TAF6: variants seen among roughly 807,000 people sequenced by gnomAD.
TAF6 encodes TATA-box binding protein associated factor 6.
A neutral mutation model predicts 73.5 loss-of-function variants in TAF6; 50 were observed. The observed-to-expected ratio is 0.68, with a 90% confidence interval of 0.54 to 0.86. The LOEUF (loss-of-function observed/expected upper bound fraction) is 0.86, where lower values mean the gene tolerates loss of function less well. Ranked by LOEUF, TAF6 falls within the 40% of genes least tolerant of loss-of-function variation. The pLI is 0.00. For synonymous variants in TAF6, 424 were observed against 376.7 expected, an observed-to-expected ratio of 1.13 and a Z score of -1.45; for missense variants, 768 against 899.5, an observed-to-expected ratio of 0.85 and a Z score of 1.87.
chr7:100,118,737 G>C (rs1743737063), intron 1 of TAF6: 1 of 340,438 alleles, frequency 2.9e-6, no homozygotes, highest in African/African-American at 2.2e-5. Flanking sequence ...CTGCTTAGGA[G>C]TAGTACAGGT....
upstream of TAF6, chr7:100,119,561 A>G (rs1486735289): frequency 1.4e-6 from 2 of 1,419,836 alleles, no homozygotes; most frequent in East Asian, 5.1e-5. Flanking sequence ...AAGAGGCGCC[A>G]CAAAACGGAG....
intron 5 of TAF6, 24 bp from the exon 6 acceptor site, chr7:100,112,941 G>A: frequency 6.3e-7 from 1 of 1,599,930 alleles, no homozygotes; most frequent in Non-Finnish European, 8.5e-7. Flanking sequence ...AGGCACAGCG[G>A]GAGGGGTGAT....
chr7:100,120,099 A>G, upstream of TAF6: 1 of 435,906 alleles, frequency 2.3e-6, no homozygotes, highest in East Asian at 4.3e-5. Context: ...CCGCCCGCCA[A>G]TGGATTGTGG....
chr7:100,118,706 A>T (rs2116869252), intron 1 of TAF6: 1 of 262,808 alleles, frequency 3.8e-6, no homozygotes, highest in South Asian at 1.4e-4. Flanking sequence ...GTTGGACATT[A>T]GGAAGATTAA....
At position 100,107,577 on chromosome 7, in the gene TAF6, G is replaced by A. The variant is rs774354631; in HGVS notation, c.1703C>T (p.Thr568Ile). Residue 568 changes from threonine (T) to isoleucine (I), a missense_variant, in exon 15 of 15, where the codon ACT (threonine) becomes ATT (isoleucine). Physicochemically the swap from Thr to Ile is moderately conservative, Grantham distance 89. Around this residue, in one of 5 missense-constraint regions of TAF6, gnomAD observed 350 missense variants for 352.3 expected, o/e 0.99. Transcript: ENST00000453269. The part of the protein sequence containing the change: ...TSAPGSGSTT[T>I]SPVTTTVPSV... ...GGGGACGGTGGTGGTGACGGGCGAAGTGGTGGTGGAACCTGAGCCGGGGGC... is the reference window on the plus strand; with the variant it reads ...GGGGACGGTGGTGGTGACGGGCGAAATGGTGGTGGAACCTGAGCCGGGGGC... The A allele has an allele frequency of 2.5e-5, 41 of 1,613,750 alleles. No individual in the cohort carries two copies. Among genetic ancestry groups the A allele is most frequent in the Non-Finnish European group, 3.1e-5 (36 of 1,179,944 alleles).
At position 100,108,059 on chromosome 7, in the gene TAF6, T is replaced by C. The variant is rs1045043402; in HGVS notation, c.1523A>G (p.Lys508Arg). 6.8e-6 allele frequency: 11 copies of C among 1,612,996 alleles called. No individual in the cohort carries two copies. The highest frequency in any genetic ancestry group is 7.6e-6 in the Non-Finnish European group (9 of 1,179,770). The stretch of plus-strand genomic sequence containing the variant: ...AGGAAGTGCGATGGAGCCAGGAACC[T>C]TCAGCAAGCCAGGGGTGCGAGGGCC... ...QPGPRTPGLL[K>R]VPGSIALPVQ... The change falls in exon 14 of 15, where the codon AAG (lysine) becomes AGG (arginine). Residue 508 changes from lysine (K) to arginine (R), a missense_variant. Physicochemically the swap from Lys to Arg is conservative, Grantham distance 26. Around this residue, in one of 5 missense-constraint regions of TAF6, gnomAD observed 350 missense variants for 352.3 expected, o/e 0.99. Coordinates refer to ENST00000453269, the MANE Select transcript of TAF6 (RefSeq NM_139315.3).
At chr7:100,122,817 C>T (rs1195287202), upstream of TAF6, 15 of 1,613,794 alleles carry the variant, frequency 9.3e-6, no homozygotes, top group Admixed American at 1.7e-5. Context: ...ACTGAAAGGC[C>T]TAGTGCAGAA....
upstream of TAF6, chr7:100,122,876 C>T: frequency 6.2e-7 from 1 of 1,613,584 alleles, no homozygotes; most frequent in Non-Finnish European, 8.5e-7. Context: ...GGGATGAGCC[C>T]AGCGTGGAGG....
chr7:100,108,211 C>T (rs567266925), intron 13 of TAF6, 88 bp from the exon 14 acceptor site: 2 of 1,468,710 alleles, frequency 1.4e-6, no homozygotes, highest in East Asian at 2.4e-5. Context: ...CTCGCTCTTC[C>T]TCAGTGGCTC....
At position 100,108,518 on chromosome 7, in the gene TAF6, G is replaced by C. The variant is rs1403302103; in HGVS notation, c.1307C>G (p.Ala436Gly). ...LLLKHCAPVL[A>G]KLRPPPDNQD... ...ATTGTCAGGCGGTGGGCGCAGCTTTGCCAGAACAGGAGCACAGTGTTTCTG... is the reference window on the plus strand; with the variant it reads ...ATTGTCAGGCGGTGGGCGCAGCTTTCCCAGAACAGGAGCACAGTGTTTCTG... Residue 436 changes from alanine (A) to glycine (G), a missense_variant, in exon 13 of 15, where the codon GCA becomes GGA. Ala to Gly is a moderately conservative substitution (Grantham distance 60). Transcript: ENST00000453269. 1 of 1,611,564 alleles carries C rather than the reference G, an allele frequency of 6.2e-7. No homozygotes were observed. The highest frequency in any genetic ancestry group is 2.2e-5 in the East Asian group (1 of 44,792).
rs774730702 is a variant in TAF6, at chr7:100,112,235, G to A, written c.593C>T (p.Pro198Leu). 34 of 1,613,592 alleles carry A rather than the reference G, an allele frequency of 2.1e-5. 1 individual carries two copies. The highest frequency in any genetic ancestry group is 1.1e-4 in the South Asian group (10 of 91,050). ...CAAGGGGGCCCCCTCCAGCAAGGGC[G>A]GCGCCTTCTTCTCTTTCCCTGTGTG... ...ADGKGKEKKA[P>L]PLLEGAPLRL... Residue 198 changes from proline (P) to leucine (L), a missense_variant, in exon 7 of 15, where the codon CCG (proline) becomes CTG (leucine). Physicochemically the swap from Pro to Leu is moderately conservative, Grantham distance 98. Transcript: ENST00000453269.
chr7:100,119,660 G>T (rs1797963254), upstream of TAF6: 1 of 1,610,794 alleles, frequency 6.2e-7, no homozygotes. Context: ...TAAGGTTGCC[G>T]CTAGCCGCCT....
In TAF6 at chr7:100,113,772, G is replaced by A. The variant is rs759030341; in HGVS notation, c.244-3C>T. On this transcript the variant is annotated splice_polypyrimidine_tract_variant and splice_region_variant and intron_variant, in intron 3 of 14. Coordinates refer to ENST00000453269, the MANE Select transcript of TAF6 (RefSeq NM_139315.3). ...TGGGCGTGGAAGCCATAGAGTGGCT[G>A]TGGCAGGAGAGAGGGGCATGGGTAA... 3.7e-6 allele frequency: 6 copies of A among 1,613,748 alleles called. No homozygotes were observed. The Admixed American group carries it at 8.3e-5, about 22-fold the overall frequency.
rs748709235 is a variant in TAF6 at position 100,108,480 on chromosome 7, G to A, written c.1345C>T (p.Arg449Trp). The change falls in exon 13 of 15, where the codon CGG becomes TGG. Residue 449 changes from arginine (R) to tryptophan (W), a missense_variant. By Grantham distance (101) the Arg-to-Trp change is moderately radical. Around this residue, in one of 5 missense-constraint regions of TAF6, gnomAD observed 350 missense variants for 352.3 expected, o/e 0.99. Coordinates refer to ENST00000453269, the MANE Select transcript of TAF6 (RefSeq NM_139315.3). ...RPPPDNQDAYRAEFGSLGPLL... is the reference protein window; with the variant it reads ...RPPPDNQDAYWAEFGSLGPLL... ...GGCCCAAGGGACCCGAATTCTGCCC[G>A]ATAGGCGTCCTGATTGTCAGGCGGT... The A allele has an allele frequency of 9.9e-6, 16 of 1,613,806 alleles. No homozygotes were observed. Among genetic ancestry groups the A allele is most frequent in the African/African-American group, 4.0e-5 (3 of 74,928 alleles).
At position 100,113,665 on chromosome 7, in the gene TAF6, G is replaced by A. The variant is rs1176031520; in HGVS notation, c.348C>T (p.Asp116=). The A allele has an allele frequency of 1.2e-6, 2 of 1,613,972 alleles. No homozygotes were observed. Among genetic ancestry groups the A allele is most frequent in the Non-Finnish European group, 1.7e-6 (2 of 1,180,024 alleles). ...FYEEKEVDLS[D]IINTPLPRVP... ...CCCGGGGCAGAGGGGTATTGATGAT[G>A]TCGCTCAGATCAACCTCCTTCTCCT... The change falls in exon 4 of 15, where the codon GAC becomes GAT. Residue 116 remains aspartate, a synonymous_variant. Coordinates refer to ENST00000453269, the MANE Select transcript of TAF6 (RefSeq NM_139315.3).
At chr7:100,108,201 C>T in intron 13 of TAF6, 78 bp from the exon 14 acceptor site, 1 of 1,478,400 alleles carries the variant, frequency 6.8e-7, no homozygotes, top group East Asian at 2.4e-5. Flanking sequence ...CTGGGCTCCC[C>T]TCGCTCTTCC....
chr7:100,114,691 G>A (rs1420504466), intron 1 of TAF6: 6 of 235,584 alleles, frequency 2.5e-5, no homozygotes, highest in Non-Finnish European at 4.9e-5. Flanking sequence ...CTGCACTCCA[G>A]CCAGGGTGAC....
Position 100,111,689 on chromosome 7 carries a change from C to T in TAF6, c.900+39G>A, listed in dbSNP as rs201797100. The T allele has an allele frequency of 1.4e-5, 23 of 1,602,126 alleles. No individual in the cohort carries two copies. The Middle Eastern group carries it at 4.9e-4, about 34-fold the overall frequency. ...GACTTCCTGTTGGTGGCAGCAGGGTCCCTAGTCCCTGGAAGGGAGGATGGG... is the reference window on the plus strand; with the variant it reads ...GACTTCCTGTTGGTGGCAGCAGGGTTCCTAGTCCCTGGAAGGGAGGATGGG... On this transcript the variant is annotated intron_variant, in intron 9 of 14. Transcript: ENST00000453269.
intron 10 of TAF6, among the ~76,000 whole-genome samples, chr7:100,110,935 T>C (rs903819868): frequency 4.6e-5 from 7 of 150,568 alleles, no homozygotes; most frequent in African/African-American, 1.5e-4. Context: ...TCAGCAGAGA[T>C]TGCACCACTG....
Sources: allele counts gnomAD v4.1 joint callset (sites outside exome capture counted in the v4.1 genomes callset), GRCh38; gene constraint gnomAD v4.1.1; regional missense constraint gnomAD v4.1.1; transcripts MANE v1.5; gene names NCBI Gene and HGNC (gene_info 2026-07-23, HGNC 2026-07-21).